Variants in MAPT observed in about 807,000 individuals in gnomAD.
MAPT encodes microtubule-associated protein tau.
In MAPT, 34 loss-of-function variants were observed where a neutral mutation model predicts 67.9. The ratio of observed to expected loss-of-function variants is 0.50; its 90% CI spans 0.38 to 0.67. The LOEUF is 0.67. Among genes scored for constraint, MAPT ranks in the 30% least tolerant of loss-of-function variants. The pLI is 0.00. For missense variants in MAPT, 881 were observed against 1,115.2 expected (o/e 0.79, Z 2.99); for synonymous variants, 456 against 464.5 (o/e 0.98, Z 0.23).
chr17:45,966,413 T>C (rs753109700), intron 2 of MAPT, among the ~76,000 whole-genome samples: 12 of 151,758 alleles, frequency 7.9e-5, no homozygotes, highest in Non-Finnish European at 2.9e-5. Flanking sequence ...CATGGTGAAA[T>C]CCTGTCTCTA....
intron 6 of MAPT, among the ~76,000 whole-genome samples, chr17:45,989,311 A>G (rs927895933): frequency 3.9e-5 from 6 of 152,150 alleles, no homozygotes; most frequent in African/African-American, 1.4e-4. Flanking sequence ...CAGGCTGGAG[A>G]AAGAACGTAC....
At chr17:46,003,121 T>TGG (rs983204881) in intron 9 of MAPT, among the ~76,000 whole-genome samples, 1 of 150,666 alleles carries the variant, frequency 6.6e-6, no homozygotes, top group African/African-American at 2.4e-5. Flanking sequence ...TGTGTGTGTG[T>TGG]GGGCGCACTC....
chr17:45,967,111 A>G (rs570765164), intron 2 of MAPT, among the ~76,000 whole-genome samples: 1 of 152,352 alleles, frequency 6.6e-6, no homozygotes, highest in African/African-American at 2.4e-5. Flanking sequence ...AAGAGTGTCT[A>G]AGTGGATGCT....
chr17:45,900,408 C>G (rs1233347707), intron 1 of MAPT, among the ~76,000 whole-genome samples: 1 of 152,154 alleles, frequency 6.6e-6, no homozygotes, highest in African/African-American at 2.4e-5. Flanking sequence ...TCTGGGTTCT[C>G]CAGTTAGGAA....
At chr17:45,926,943 A>ATGTG (rs1320498870) in intron 1 of MAPT, among the ~76,000 whole-genome samples, 6 of 108,064 alleles carry the variant, frequency 5.6e-5, no homozygotes, top group Non-Finnish European at 1.0e-4. Flanking sequence ...ATACACATAT[A>ATGTG]TATACATATA....
At chr17:45,907,852 C>G (rs943069109) in intron 1 of MAPT, 1 of 152,192 alleles carries the variant, frequency 6.6e-6, no homozygotes, top group African/African-American at 2.4e-5. Context: ...GATTATTATC[C>G]TCATTTTGCA....
intron 1 of MAPT, among the ~76,000 whole-genome samples, chr17:45,945,325 C>A (rs1456792777): frequency 6.6e-6 from 1 of 152,180 alleles, no homozygotes; most frequent in East Asian, 1.9e-4. Context: ...AATATTTACT[C>A]TTGTTATTAA....
At chr17:45,990,727 C>A (rs1209994024) in intron 7 of MAPT, among the ~76,000 whole-genome samples, 5 of 152,228 alleles carry the variant, frequency 3.3e-5, no homozygotes, top group African/African-American at 1.2e-4. Context: ...CATAGCAACA[C>A]TGCCCCGTGA....
At position 46,024,221 on chromosome 17, in the gene MAPT, TG is replaced by T. The variant is rs766902975; in HGVS notation, c.*51del. On this transcript the variant is annotated 3_prime_UTR_variant, in exon 13 of 13. Transcript: ENST00000262410. Reference sequence around the variant, plus strand: ...TTGTGGAGAGGAGAGAATGAGAGAGTGTGGAAAAAAAAAGAATAATGACCCG... The same window carrying T: ...TTGTGGAGAGGAGAGAATGAGAGAGTTGGAAAAAAAAAGAATAATGACCCG... 394 of 1,538,332 alleles carry T rather than the reference TG, an allele frequency of 2.6e-4. 1 individual carries two copies. The highest frequency in any genetic ancestry group is 2.5e-4 in the Non-Finnish European group (276 of 1,114,172).
intron 1 of MAPT, among the ~76,000 whole-genome samples, chr17:45,944,253 AGT>A (rs1018437056): frequency 2.0e-5 from 3 of 152,212 alleles, no homozygotes; most frequent in Non-Finnish European, 4.4e-5. Context: ...ACAGCTAGCC[AGT>A]GGACCCCACC....
chr17:45,941,701 GCCTGCCTTCCTTCCTT>G (rs1356737108), intron 1 of MAPT, among the ~76,000 whole-genome samples: 1,056 of 73,402 alleles, frequency 0.014, 64 homozygotes, highest in African/African-American at 0.052. Flanking sequence ...CTTCCTTCCT[GCCTGCCTTCCTTCCTT>G]CCTTCCTTCC....
intron 1 of MAPT, among the ~76,000 whole-genome samples, chr17:45,921,801 G>C (rs1426630462): frequency 6.6e-6 from 1 of 152,130 alleles, no homozygotes; most frequent in Non-Finnish European, 1.5e-5. Context: ...ATAACTTCTT[G>C]AGGCAAGGAT....
intron 9 of MAPT, among the ~76,000 whole-genome samples, chr17:46,002,646 A>C (rs1048005127): frequency 6.6e-6 from 1 of 152,022 alleles, no homozygotes; most frequent in African/African-American, 2.4e-5. Flanking sequence ...ACAGAAACCT[A>C]CCTGAGCAGT....
intron 12 of MAPT, among the ~76,000 whole-genome samples, chr17:46,020,018 A>C (rs2146174247): frequency 6.6e-6 from 1 of 151,158 alleles, no homozygotes; most frequent in Admixed American, 6.6e-5. Flanking sequence ...TCTCACAAAA[A>C]AAAAAAAAAA....
rs1409774000 is a variant in MAPT at position 45,896,441 on chromosome 17, A to C, written c.-18+1755A>C. On this transcript the variant is annotated intron_variant, in intron 1 of 12. Coordinates refer to ENST00000262410, the MANE Select transcript of MAPT (RefSeq NM_001377265.1). This position sits in a 1 kb window ranked among gnomAD's most constrained non-coding sequence, Gnocchi z 5.6. Reference sequence around the variant, plus strand: ...TTCGCCTGGCCGGAGAATGTGAGGAAGGGGCATAAGGTTACTGGTGCTTCG... The same window carrying C: ...TTCGCCTGGCCGGAGAATGTGAGGACGGGGCATAAGGTTACTGGTGCTTCG... The C allele has an allele frequency of 1.3e-5, 2 of 152,228 alleles. No homozygotes were observed. The highest frequency in any genetic ancestry group is 4.8e-5 in the African/African-American group (2 of 41,460). 9.4% of individuals were successfully genotyped at this position (152,228 alleles called of 1,614,324 possible). A position where few individuals can be genotyped will look rare whatever the true frequency, so the allele number is the denominator to read the frequency against.
At chr17:45,988,505 C>T (rs568593871) in intron 6 of MAPT, among the ~76,000 whole-genome samples, 1 of 152,210 alleles carries the variant, frequency 6.6e-6, no homozygotes, top group African/African-American at 2.4e-5. Context: ...GTTCCAGGGC[C>T]CCCCCCAGCC....
intron 3 of MAPT, 52 bp from the exon 4 acceptor site, chr17:45,978,323 A>T (rs774229187): frequency 6.9e-7 from 1 of 1,438,862 alleles, no homozygotes; most frequent in African/African-American, 1.4e-5. Flanking sequence ...GTTTCTAGTA[A>T]ACAATAACTG....
intron 1 of MAPT, among the ~76,000 whole-genome samples, chr17:45,939,741 G>A (rs923904182): frequency 1.3e-5 from 2 of 152,144 alleles, no homozygotes; most frequent in Admixed American, 6.5e-5. Context: ...CCTGAGCGTC[G>A]AGGACCAAGT....
At position 46,024,459 on chromosome 17, in the gene MAPT, C is replaced by CAA; in HGVS notation, c.*289_*290dup. 1 of 523,758 alleles carries CAA rather than the reference C, an allele frequency of 1.9e-6. No homozygotes were observed. Among genetic ancestry groups the CAA allele is most frequent in the South Asian group, 2.1e-5 (1 of 46,956 alleles). The allele number at this position is 523,758 out of a possible 1,614,324, so 32.4% of individuals were successfully genotyped here. ...TGGCCACATCCAACATTTCCTCAGG[C>CAA]AATTCCTTTTGATTCTTTTTTCTTC... On this transcript the variant is annotated 3_prime_UTR_variant, in exon 13 of 13. Transcript: ENST00000262410.
Sources: gnomAD v4.1 joint callset for allele counts (sites outside exome capture counted in the v4.1 genomes callset) on GRCh38, gnomAD v4.1.1 for gene constraint, Gnocchi (gnomAD v3.1) non-coding constraint, MANE v1.5 for transcripts, NCBI Gene and HGNC (gene_info 2026-07-23, HGNC 2026-07-21) for gene names.